The following MAN1A2 variants were observed in gnomAD, a reference collection of about 807,000 sequenced individuals.
MAN1A2 encodes mannosyl-oligosaccharide 1,2-alpha-mannosidase IB.
A neutral mutation model predicts 75.7 loss-of-function variants in MAN1A2; 26 were observed. The ratio of observed to expected loss-of-function variants is 0.34; its 90% confidence interval spans 0.25 to 0.48. The LOEUF (loss-of-function observed/expected upper bound fraction) is 0.48, where lower values mean the gene tolerates loss of function less well. MAN1A2 is among the 20% of genes least tolerant of loss of function. MAN1A2 has a pLI of 0.99. For missense variants in MAN1A2, 562 were observed against 775.5 expected, an observed-to-expected ratio of 0.72 and a Z score of 3.27; for synonymous variants, 247 against 264.6, an observed-to-expected ratio of 0.93 and a Z score of 0.65.
intron 3 of MAN1A2, among the ~76,000 whole-genome samples, chr1:117,405,884 TA>T (rs1300800148): frequency 6.6e-6 from 1 of 152,184 alleles, no homozygotes; most frequent in Non-Finnish European, 1.5e-5. Context: ...TCTGAGTATT[TA>T]AAAGCTTTTT....
chr1:117,382,487 GT>G (rs1653377347), intron 1 of MAN1A2, among the ~76,000 whole-genome samples: 2 of 152,184 alleles, frequency 1.3e-5, no homozygotes, highest in Admixed American at 1.3e-4. Context: ...AGATCAGATA[GT>G]TGTAGATATG....
Position 117,523,191 on chromosome 1 carries a change from G to C in MAN1A2, c.*234G>C. ...TAGGACAGAGACCTGGATGTGCTTT[G>C]ATCGTTAATGAGGTGGTCACATGAG... On this transcript the variant is annotated 3_prime_UTR_variant, in exon 13 of 13. Coordinates refer to ENST00000356554, the MANE Select transcript of MAN1A2 (RefSeq NM_006699.5). 1.6e-6 allele frequency: 1 copy of C among 639,008 alleles called. No homozygotes were observed. The highest frequency in any genetic ancestry group is 3.0e-6 in the Non-Finnish European group (1 of 335,450). The allele number at this position is 639,008 out of a possible 1,614,324, so 39.6% of individuals were successfully genotyped here.
At chr1:117,405,526 G>T in intron 2 of MAN1A2, 23 bp from the exon 3 acceptor site, 1 of 1,394,354 alleles carries the variant, frequency 7.2e-7, no homozygotes, top group South Asian at 1.2e-5. Flanking sequence ...TAAATTGATG[G>T]ATTATAATTT....
At chr1:117,502,807 A>T in intron 11 of MAN1A2, 48 bp from the exon 12 acceptor site, 1 of 1,003,696 alleles carries the variant, frequency 1.0e-6, no homozygotes, top group Non-Finnish European at 1.6e-6. Flanking sequence ...TGTCCTTCAA[A>T]ACTTGAAATT....
intron 4 of MAN1A2, among the ~76,000 whole-genome samples, chr1:117,418,296 T>G (rs1648073588): frequency 6.6e-6 from 1 of 152,106 alleles, no homozygotes; most frequent in African/African-American, 2.4e-5. Context: ...GTAAACAAGT[T>G]ATATATAGTA....
chr1:117,434,747 C>CTGTGTGTGTGTG (rs61681259), intron 5 of MAN1A2, among the ~76,000 whole-genome samples: 1 of 135,338 alleles, frequency 7.4e-6, no homozygotes, highest in South Asian at 2.6e-4. Flanking sequence ...TTGGTTACAG[C>CTGTGTGTGTGTG]TGTGTGTGTG....
Position 117,470,363 on chromosome 1 carries a change from G to A in MAN1A2, c.1168+3936G>A, listed in dbSNP as rs558570384. Among the ~76,000 whole-genome samples the A allele has an allele frequency of 9.2e-5, 14 of 152,162 alleles. No homozygotes were observed. In the East Asian group the frequency reaches 2.7e-3, roughly 29 times the overall value. On this transcript the variant is annotated intron_variant, in intron 8 of 12. Transcript: ENST00000356554. ...AGAGTTATTGCTAGAGTTTGTATTT[G>A]CAGTGATGAAAATTTTTGGAAATAG...
chr1:117,404,666 C>T (rs916783827), intron 2 of MAN1A2, among the ~76,000 whole-genome samples: 1 of 152,120 alleles, frequency 6.6e-6, no homozygotes, highest in Non-Finnish European at 1.5e-5. Flanking sequence ...CTTGATTGTT[C>T]CTACCTGAAT....
intron 3 of MAN1A2, among the ~76,000 whole-genome samples, chr1:117,408,161 C>T (rs1418851617): frequency 6.6e-6 from 1 of 151,972 alleles, no homozygotes; most frequent in East Asian, 1.9e-4. Flanking sequence ...GGCACATAGT[C>T]CCAGCTCCGC....
intron 9 of MAN1A2, 149 bp from the exon 10 acceptor site, chr1:117,496,614 C>T (rs1457042008): frequency 3.3e-6 from 2 of 601,042 alleles, no homozygotes; most frequent in East Asian, 5.6e-5. Context: ...CCCACTCCGA[C>T]ACTTGCTGTT....
chr1:117,438,739 T>C (rs940204582), intron 5 of MAN1A2, among the ~76,000 whole-genome samples: 7 of 152,216 alleles, frequency 4.6e-5, no homozygotes, highest in Admixed American at 2.6e-4. Flanking sequence ...TACAGTAACA[T>C]GCTATATAGG....
chr1:117,484,664 A>G (rs533799307), intron 8 of MAN1A2, among the ~76,000 whole-genome samples: 1 of 152,160 alleles, frequency 6.6e-6, no homozygotes, highest in East Asian at 1.9e-4. Flanking sequence ...TAAAGTATGT[A>G]CTGCAATAAA....
intron 1 of MAN1A2, among the ~76,000 whole-genome samples, chr1:117,382,056 G>C (rs1653362299): frequency 6.6e-6 from 1 of 151,902 alleles, no homozygotes; most frequent in African/African-American, 2.4e-5. Context: ...AAATTTGTTT[G>C]AGTTCATTGT....
chr1:117,385,371 C>T (rs551992079), intron 1 of MAN1A2, among the ~76,000 whole-genome samples: 5 of 152,124 alleles, frequency 3.3e-5, no homozygotes, highest in African/African-American at 1.2e-4. Flanking sequence ...TGCTAAGTTC[C>T]AGGTCTCTTC....
chr1:117,368,596 T>C, intron 1 of MAN1A2, 111 bp downstream of exon 1: 7 of 987,762 alleles, frequency 7.1e-6, no homozygotes, highest in Non-Finnish European at 1.0e-5. Flanking sequence ...TTTCGAGTCA[T>C]AAATATTGTA....
chr1:117,408,773 A>T (rs376832343), intron 3 of MAN1A2, among the ~76,000 whole-genome samples: 19 of 150,554 alleles, frequency 1.3e-4, no homozygotes, highest in Non-Finnish European at 2.5e-4. Flanking sequence ...TGCATCTGGA[A>T]TTTTTTTTTT....
chr1:117,497,684 G>A lies in MAN1A2; in HGVS notation c.1504+702G>A, dbSNP rs558256443. Among the ~76,000 whole-genome samples, 6 of 151,878 alleles carry A rather than the reference G, an allele frequency of 4.0e-5. No individual in the cohort carries two copies. In the Admixed American group the frequency reaches 4.0e-4, roughly 10 times the overall value. On this transcript the variant is annotated intron_variant, in intron 10 of 12. Transcript: ENST00000356554. ...ATATTTGGTATTAAAATTTTATGGA[G>A]GGAGAAGGCAATTAGGCTTTTTTAA...
intron 12 of MAN1A2, among the ~76,000 whole-genome samples, chr1:117,511,394 T>G (rs1040854611): frequency 6.6e-6 from 1 of 152,142 alleles, no homozygotes; most frequent in East Asian, 1.9e-4. Flanking sequence ...TGGTTGGTCT[T>G]GAACTCCTAG....
At chr1:117,372,641 A>G (rs1407686759) in intron 1 of MAN1A2, among the ~76,000 whole-genome samples, 4 of 152,200 alleles carry the variant, frequency 2.6e-5, no homozygotes, top group African/African-American at 4.8e-5. Flanking sequence ...ATGATTTTGC[A>G]GTACCCAAAA....
Sources: allele counts gnomAD v4.1 joint callset (sites outside exome capture counted in the v4.1 genomes callset), GRCh38; gene constraint gnomAD v4.1.1; transcripts MANE v1.5; gene names NCBI Gene and HGNC (gene_info 2026-07-23, HGNC 2026-07-21).